ZNF726: variants seen among roughly 807,000 people sequenced by gnomAD.
ZNF726 encodes zinc finger protein 726, also known as zinc finger protein 92 pseudogene 3.
In ZNF726, 15 loss-of-function variants were observed where a neutral mutation model predicts 11.6. The observed-to-expected ratio is 1.29, with a 90% CI of 0.86 to 1.99. The LOEUF is 1.99. ZNF726 is among the 30% of genes most tolerant of loss of function. ZNF726 has a pLI of 0.00. For synonymous variants in ZNF726, 295 were observed against 243.6 expected, an observed-to-expected ratio of 1.21 and a Z score of -1.96; for missense variants, 890 against 725.6, an observed-to-expected ratio of 1.23 and a Z score of -2.60.
intron 1 of ZNF726, among the ~76,000 whole-genome samples, chr19:23,918,884 C>T (rs1456187972): frequency 2.0e-5 from 3 of 152,024 alleles, no homozygotes; most frequent in African/African-American, 7.2e-5. Context: ...ATTTGCATTA[C>T]TAATGAGCTT....
intron 3 of ZNF726, chr19:23,928,282 C>T (rs1444153184): frequency 6.6e-6 from 1 of 152,214 alleles, no homozygotes; most frequent in African/African-American, 2.4e-5. Flanking sequence ...AAGTTATCCA[C>T]TCTCCAGTAT....
At chr19:23,931,273 A>G (rs2144985914) in intron 3 of ZNF726, among the ~76,000 whole-genome samples, 1 of 152,328 alleles carries the variant, frequency 6.6e-6, no homozygotes, top group African/African-American at 2.4e-5. Context: ...CTCCCCAGCC[A>G]AAACCGCAAC....
At chr19:23,921,019 C>T (rs560540438) in intron 3 of ZNF726, 1 of 152,272 alleles carries the variant, frequency 6.6e-6, no homozygotes, top group East Asian at 1.9e-4. Context: ...TAGTTTGGGC[C>T]ATGCGTGGTG....
chr19:23,927,401 T>C (rs1968012112), intron 3 of ZNF726, among the ~76,000 whole-genome samples: 1 of 152,250 alleles, frequency 6.6e-6, no homozygotes, highest in African/African-American at 2.4e-5. Flanking sequence ...TGTTCAGTTT[T>C]ACTTTTAATT....
chr19:23,936,150 T>C (rs1304226442), downstream of ZNF726: 3 of 152,200 alleles, frequency 2.0e-5, no homozygotes, highest in Non-Finnish European at 4.4e-5. Context: ...GCGTTCATAC[T>C]AAAATATATT....
chr19:23,943,839 C>T (rs1256493773), intron 4 of ZNF726: 2 of 311,682 alleles, frequency 6.4e-6, no homozygotes, highest in Non-Finnish European at 1.2e-5. Context: ...CTCTTTATGG[C>T]TTATAAGGTA....
chr19:23,928,857 T>C (rs1161284558), intron 3 of ZNF726: 1 of 152,150 alleles, frequency 6.6e-6, no homozygotes, highest in East Asian at 1.9e-4. Context: ...GTTTGCAGTG[T>C]TGTGATCATG....
In ZNF726 at chr19:23,933,274, A is replaced by G; in HGVS notation, c.1158A>G (p.Lys386=). ...TTATATGGCCCTCAACCCTAACTAA[A>G]CATAAGAGGATTCACACTGGAGAGA... ...KAFIWPSTLT[K]HKRIHTGEKP... Residue 386 remains lysine, a synonymous_variant, in exon 4 of 4, where the codon AAA becomes AAG. Coordinates refer to ENST00000594466, the MANE Select transcript of ZNF726 (RefSeq NM_001244038.2). The G allele has an allele frequency of 1.2e-6, 2 of 1,613,184 alleles. No homozygotes were observed. The highest frequency in any genetic ancestry group is 1.7e-5 in the Admixed American group (1 of 59,968).
At position 23,934,459 on chromosome 19, in the gene ZNF726, A is replaced by G. The variant is rs1968193930; in HGVS notation, c.*492A>G. 4 of 401,308 alleles carry G rather than the reference A, an allele frequency of 1.0e-5. No individual in the cohort carries two copies. The Admixed American group carries it at 1.4e-4, about 14-fold the overall frequency. 24.9% of individuals were successfully genotyped at this position (401,308 alleles called of 1,614,324 possible). On this transcript the variant is annotated 3_prime_UTR_variant, in exon 4 of 4. Transcript: ENST00000594466. Reference sequence around the variant, plus strand: ...GTAACCATAAGATAATTCAAACTGGAAAGAAACCCTGCAAGTCTGAAGAAT... The same window carrying G: ...GTAACCATAAGATAATTCAAACTGGGAAGAAACCCTGCAAGTCTGAAGAAT...
In ZNF726 at chr19:23,934,018, C is replaced by G; in HGVS notation, c.*51C>G. ...TGTGGCAAAGCATTTATATGGTCCT[C>G]AACGCTAAACATAAGAGGATGCACA... On this transcript the variant is annotated 3_prime_UTR_variant, in exon 4 of 4. Coordinates refer to ENST00000594466, the MANE Select transcript of ZNF726 (RefSeq NM_001244038.2). 6.4e-7 allele frequency: 1 copy of G among 1,565,238 alleles called. No individual in the cohort carries two copies. Among genetic ancestry groups the G allele is most frequent in the African/African-American group, 1.4e-5 (1 of 73,426 alleles).
At chr19:23,937,473 C>T (rs1035833534), downstream of ZNF726, among the ~76,000 whole-genome samples, 10 of 149,658 alleles carry the variant, frequency 6.7e-5, no homozygotes, top group African/African-American at 1.5e-4. Flanking sequence ...TCAGACGGGG[C>T]GGCCGGGCAG....
Position 23,933,759 on chromosome 19 carries a change from A to G in ZNF726, c.1643A>G (p.Gln548Arg), listed in dbSNP as rs1968174206. ...KCEECGKTFNQSSNLSTHKII... is the reference protein window; with the variant it reads ...KCEECGKTFNRSSNLSTHKII... ...GAAGAATGTGGCAAAACTTTTAATC[A>G]ATCCTCAAATCTTAGTACACATAAG... is the stretch of plus-strand genomic sequence containing the variant. Residue 548 changes from glutamine to arginine, a missense_variant, in exon 4 of 4, where the codon CAA becomes CGA. Transcript: ENST00000594466. 1.9e-6 allele frequency: 3 copies of G among 1,606,034 alleles called. No individual in the cohort carries two copies. The highest frequency in any genetic ancestry group is 1.7e-6 in the Non-Finnish European group (2 of 1,178,792).
chr19:23,944,705 T>A, intron 4 of ZNF726: 1 of 203,314 alleles, frequency 4.9e-6, no homozygotes, highest in Non-Finnish European at 9.7e-6. Flanking sequence ...TAAATAATAA[T>A]ACAATAATAG....
downstream of ZNF726, among the ~76,000 whole-genome samples, chr19:23,938,634 G>A (rs1968287504): frequency 7.4e-6 from 1 of 134,614 alleles, no homozygotes; most frequent in Admixed American, 7.8e-5. Context: ...TTGAGCTGGA[G>A]TCTTGCTCTG....
chr19:23,939,828 G>A (rs1033931762), intron 3 of ZNF726, among the ~76,000 whole-genome samples: 2 of 121,354 alleles, frequency 1.6e-5, no homozygotes, highest in African/African-American at 6.2e-5. Flanking sequence ...TTTGAGAATT[G>A]TCTATTCATG....
In ZNF726 at chr19:23,934,356, ATAAAG is replaced by A. The variant is rs748440514; in HGVS notation, c.*393_*397del. 31 of 542,574 alleles carry A rather than the reference ATAAAG, an allele frequency of 5.7e-5. No homozygotes were observed. Among genetic ancestry groups the A allele is most frequent in the African/African-American group, 5.7e-4 (30 of 52,578 alleles). 33.6% of individuals were successfully genotyped at this position (542,574 alleles called of 1,614,324 possible). ...AAATGTTCCTCAACTGTTACTGAAC[ATAAAG>A]TAATTCATACTGAAGAGAAACCCTA... On this transcript the variant is annotated 3_prime_UTR_variant, in exon 4 of 4. Coordinates refer to ENST00000594466, the MANE Select transcript of ZNF726 (RefSeq NM_001244038.2).
intron 3 of ZNF726, chr19:23,923,376 T>C: frequency 2.4e-6 from 1 of 410,888 alleles, no homozygotes. Context: ...GCATTTTCTC[T>C]GAAATTTTAT....
At chr19:23,915,299 G>T (rs1470421922) in intron 1 of ZNF726, among the ~76,000 whole-genome samples, 1 of 152,180 alleles carries the variant, frequency 6.6e-6, no homozygotes, top group African/African-American at 2.4e-5. Context: ...TGGGAGGAAC[G>T]TCAGGGCAGA....
chr19:23,931,906 A>T (rs1968113750), intron 3 of ZNF726, among the ~76,000 whole-genome samples: 1 of 152,146 alleles, frequency 6.6e-6, no homozygotes, highest in Non-Finnish European at 1.5e-5. Flanking sequence ...ACTTTATGTC[A>T]TGAGAGACAG....
Sources: allele counts gnomAD v4.1 joint callset (sites outside exome capture counted in the v4.1 genomes callset), GRCh38; gene constraint gnomAD v4.1.1; transcripts MANE v1.5; gene names NCBI Gene and HGNC (gene_info 2026-07-23, HGNC 2026-07-21).